Variants in FLRT1 observed in about 807,000 individuals in gnomAD.
The protein encoded by FLRT1 is fibronectin leucine rich transmembrane protein 1.
Under a neutral mutation model 30.9 loss-of-function variants are expected in FLRT1, and 14 were observed. That is an observed-to-expected ratio of 0.45 (90% confidence interval 0.30 to 0.71). FLRT1 has a LOEUF of 0.71. Ranked by LOEUF, FLRT1 falls within the 30% of genes least tolerant of loss-of-function variation. The pLI, the probability that FLRT1 is intolerant of heterozygous loss-of-function variation, is 0.08. For synonymous variants in FLRT1, 368 were observed against 430.4 expected, an observed-to-expected ratio of 0.85 and a Z score of 1.80; for missense variants, 737 against 949.2, an observed-to-expected ratio of 0.78 and a Z score of 2.94.
intron 1 of FLRT1, among the ~76,000 whole-genome samples, chr11:64,037,269 T>TG (rs374310694): frequency 6.6e-5 from 10 of 151,860 alleles, no homozygotes; most frequent in African/African-American, 1.9e-4. Flanking sequence ...AGGCTGTCTG[T>TG]GGGGGGGACC....
intron 1 of FLRT1, among the ~76,000 whole-genome samples, chr11:64,095,036 C>T (rs1243852893): frequency 6.6e-6 from 1 of 152,186 alleles, no homozygotes; most frequent in Non-Finnish European, 1.5e-5. Context: ...AATGCTTTCT[C>T]TTCCTGCTTC....
At chr11:64,094,530 T>A (rs1944543136) in intron 1 of FLRT1, among the ~76,000 whole-genome samples, 1 of 147,648 alleles carries the variant, frequency 6.8e-6, no homozygotes, top group Non-Finnish European at 1.5e-5. Flanking sequence ...CAGTTAGAAA[T>A]GAATGGCAGG....
rs763054143 is a variant in FLRT1, at chr11:64,117,636, G to T, written c.1369G>T (p.Ala457Ser). The T allele has an allele frequency of 1.2e-6, 2 of 1,613,760 alleles. No homozygotes were observed. The highest frequency in any genetic ancestry group is 8.5e-7 in the Non-Finnish European group (1 of 1,180,034). ...AGACTCCATCCGCATCACGTGGAAG[G>T]CCACGCTCCCCGCCTCCTCTTTCCG... ...TADSIRITWK[A>S]TLPASSFRLS... Residue 457 changes from alanine (A) to serine (S), a missense_variant, in exon 3 of 3, where the codon GCC becomes TCC. Transcript: ENST00000682287.
chr11:64,073,050 C>T (rs1233763395), intron 1 of FLRT1, among the ~76,000 whole-genome samples: 2 of 152,206 alleles, frequency 1.3e-5, no homozygotes, highest in Non-Finnish European at 2.9e-5. Flanking sequence ...GCAGGCCCAG[C>T]TCCTGACGGC....
intron 1 of FLRT1, among the ~76,000 whole-genome samples, chr11:64,065,510 C>T (rs1408227649): frequency 6.6e-6 from 1 of 152,140 alleles, no homozygotes; most frequent in Non-Finnish European, 1.5e-5. Flanking sequence ...GAACAAGGGG[C>T]CAGGCGCGGT....
At position 64,087,342 on chromosome 11, in the gene FLRT1, A is replaced by ACCCTGCCAC. The variant is rs945649913; in HGVS notation, c.-1037-15833_-1037-15825dup. 4.0e-5 allele frequency among the ~76,000 whole-genome samples: 6 copies of ACCCTGCCAC among 151,540 alleles called. No individual in the cohort carries two copies. The East Asian group carries it at 5.8e-4, about 15-fold the overall frequency. On this transcript the variant is annotated intron_variant, in intron 1 of 2. Transcript: ENST00000682287. ...GGTCCGCCACCCAGACCTCACCCCA[A>ACCCTGCCAC]CCCTGCCACCCCTGCCACCCCTGCC...
chr11:64,117,060 C>A lies in FLRT1; in HGVS notation c.793C>A (p.Leu265Ile). The change falls in exon 3 of 3, where the codon CTC becomes ATC. Residue 265 changes from leucine (L) to isoleucine (I), a missense_variant. By Grantham distance (5) the Leu-to-Ile change is conservative (BLOSUM62 2). Coordinates refer to ENST00000682287, the MANE Select transcript of FLRT1 (RefSeq NM_013280.5). ...LVRNSLAAPP[L>I]NLPSAHLQKL... is the part of the protein sequence containing the mutation. ...GCGCAATTCGCTGGCCGCGCCACCC[C>A]TCAACCTGCCCAGCGCCCACCTGCA... 6.2e-6 allele frequency: 10 copies of A among 1,603,926 alleles called. No individual in the cohort carries two copies. The highest frequency in any genetic ancestry group is 1.3e-5 in the African/African-American group (1 of 74,728).
chr11:64,059,600 C>T (rs1336537431), intron 1 of FLRT1, among the ~76,000 whole-genome samples: 1 of 152,144 alleles, frequency 6.6e-6, no homozygotes, highest in African/African-American at 2.4e-5. Context: ...TGTGTGCCTC[C>T]GCAGGGGTCT....
chr11:64,083,908 G>A (rs1205450077), intron 1 of FLRT1, among the ~76,000 whole-genome samples: 1 of 152,224 alleles, frequency 6.6e-6, no homozygotes, highest in Non-Finnish European at 1.5e-5. Flanking sequence ...CGGGCGTGCG[G>A]CCGGCCCCGT....
chr11:64,106,082 G>A (rs1022953889), intron 2 of FLRT1, among the ~76,000 whole-genome samples: 4 of 152,136 alleles, frequency 2.6e-5, no homozygotes, highest in African/African-American at 7.2e-5. Context: ...TATCAGTGGG[G>A]GTGAGGAGGG....
intron 1 of FLRT1, among the ~76,000 whole-genome samples, chr11:64,099,548 AGATGGATG>A (rs971109286): frequency 1.3e-5 from 2 of 151,744 alleles, no homozygotes; most frequent in Admixed American, 1.3e-4. Context: ...AAAGATGGAG[AGATGGATG>A]GATGGATAGA....
chr11:64,084,018 G>C (rs941967963), intron 1 of FLRT1, among the ~76,000 whole-genome samples: 3 of 147,956 alleles, frequency 2.0e-5, no homozygotes, highest in African/African-American at 7.4e-5. Flanking sequence ...GCCTTTCACT[G>C]GTCCCTCAGG....
chr11:64,088,121 G>A (rs1944426529), intron 1 of FLRT1, among the ~76,000 whole-genome samples: 1 of 152,194 alleles, frequency 6.6e-6, no homozygotes, highest in Non-Finnish European at 1.5e-5. Flanking sequence ...GGCCCCAGGA[G>A]TTCTGTTACT....
At chr11:64,055,217 G>A (rs975759479) in intron 1 of FLRT1, among the ~76,000 whole-genome samples, 4 of 152,326 alleles carry the variant, frequency 2.6e-5, no homozygotes, top group Admixed American at 6.5e-5. Context: ...CCTCTGGGCC[G>A]GGAGCAGGGT....
In FLRT1 at chr11:64,118,606, T is replaced by A. The variant is rs564377790; in HGVS notation, c.*314T>A. The A allele has an allele frequency of 8.6e-6, 2 of 233,466 alleles. No individual in the cohort carries two copies. Among genetic ancestry groups the A allele is most frequent in the African/African-American group, 4.6e-5 (2 of 43,156 alleles). 14.5% of individuals were successfully genotyped at this position (233,466 alleles called of 1,614,324 possible). On this transcript the variant is annotated 3_prime_UTR_variant, in exon 3 of 3. Coordinates refer to ENST00000682287, the MANE Select transcript of FLRT1 (RefSeq NM_013280.5). ...AGGGCTGGGTTGGGTTTTTTTTTTT[T>A]CCCCCCTGAACTGGAAGGATACTAC...
intron 1 of FLRT1, among the ~76,000 whole-genome samples, chr11:64,037,781 G>T (rs996793666): frequency 6.6e-6 from 1 of 152,162 alleles, no homozygotes; most frequent in Non-Finnish European, 1.5e-5. Context: ...TGGCCTGCTG[G>T]ACTTCACCTA....
intron 1 of FLRT1, among the ~76,000 whole-genome samples, chr11:64,044,336 C>CT (rs1415106710): frequency 6.6e-6 from 1 of 151,210 alleles, no homozygotes; most frequent in Non-Finnish European, 1.5e-5. Context: ...ACTGCAGCCT[C>CT]TAACTTTTGG....
intron 1 of FLRT1, among the ~76,000 whole-genome samples, chr11:64,050,619 C>G (rs1009699991): frequency 6.6e-6 from 1 of 152,178 alleles, no homozygotes; most frequent in Non-Finnish European, 1.5e-5. Flanking sequence ...TGACCATGAC[C>G]CAGCAGTGAC....
rs1300757178 is a variant in FLRT1, at chr11:64,117,277, T to C, written c.1010T>C (p.Met337Thr). 3 of 1,614,158 alleles carry C rather than the reference T, an allele frequency of 1.9e-6. No individual in the cohort carries two copies. The highest frequency in any genetic ancestry group is 1.3e-5 in the African/African-American group (1 of 75,060). The change falls in exon 3 of 3, where the codon ATG becomes ACG. Residue 337 changes from methionine (M) to threonine (T), a missense_variant. By Grantham distance (81) the Met-to-Thr change is moderately conservative. Transcript: ENST00000682287. ...CCTTGGTTTTGTGGCTGCAACCTCA[T>C]GTGGCTGCGGGACTGGGTGAAGGCA... ...NNPWFCGCNL[M>T]WLRDWVKARA... is the part of the protein sequence containing the mutation.
Sources: allele counts gnomAD v4.1 joint callset (sites outside exome capture counted in the v4.1 genomes callset), GRCh38; gene constraint gnomAD v4.1.1; transcripts MANE v1.5; gene names NCBI Gene and HGNC (gene_info 2026-07-23, HGNC 2026-07-21).